Variants in EPHA2 observed in about 807,000 individuals in gnomAD.
EPHA2 encodes ephrin type-A receptor 2.
In EPHA2, 54 loss-of-function variants were observed where a neutral mutation model predicts 104.9. That is an observed-to-expected ratio of 0.51 (90% CI 0.41 to 0.65). EPHA2 has a LOEUF of 0.65. Among genes scored for constraint, EPHA2 ranks in the 30% least tolerant of loss-of-function variants. The pLI is 0.00. For missense variants in EPHA2, 1,117 were observed against 1,369.5 expected (o/e 0.82, Z 2.91); for synonymous variants, 560 against 559.1 (o/e 1.00, Z -0.02).
In EPHA2 at chr1:16,130,229, G is replaced by A; in HGVS notation, c.2666C>T (p.Pro889Leu). ...GGGCAGAGGGCATAGAACTCACCGGGGGTCAAAGTCAGCCAGGGTCTTGAG... is the reference window on the plus strand; with the variant it reads ...GGGCAGAGGGCATAGAACTCACCGGAGGTCAAAGTCAGCCAGGGTCTTGAG... ...DSLKTLADFDPRVSIRLPSTS... is the reference protein window; with the variant it reads ...DSLKTLADFDLRVSIRLPSTS... The change falls in exon 15 of 17, where the codon CCC becomes CTC. Residue 889 changes from proline to leucine, a missense_variant. This residue lies in a region of EPHA2 where 340 missense variants were observed against 480.5 expected (regional missense o/e 0.71). Transcript: ENST00000358432. The surrounding 1 kb of genome is among the most constrained non-coding windows in gnomAD (Gnocchi z 4.5). 1 of 1,614,122 alleles carries A rather than the reference G, an allele frequency of 6.2e-7. No individual in the cohort carries two copies. The highest frequency in any genetic ancestry group is 1.1e-5 in the South Asian group (1 of 91,062).
At chr1:16,152,161 G>A (rs531507322) in intron 1 of EPHA2, among the ~76,000 whole-genome samples, 1 of 152,336 alleles carries the variant, frequency 6.6e-6, no homozygotes, top group African/African-American at 2.4e-5. Flanking sequence ...TTTGGGCCCT[G>A]GAGCATGAGG....
rs2025162636 is a variant in EPHA2 at position 16,156,024 on chromosome 1, G to A, written c.-92C>T. The A allele has an allele frequency of 1.7e-5, 19 of 1,137,274 alleles. No individual in the cohort carries two copies. In the South Asian group the frequency reaches 3.4e-4, roughly 20 times the overall value. The allele number at this position is 1,137,274 out of a possible 1,614,324, so 70.4% of individuals were successfully genotyped here. A position where few individuals can be genotyped will look rare whatever the true frequency, so the allele number is the denominator to read the frequency against. The stretch of plus-strand genomic sequence containing the variant: ...CCGGCCTCGGTGTCCGCTCCCGCCC[G>A]CCGGCCTGCGCGCAACTTCTGCCCC... On this transcript the variant is annotated 5_prime_UTR_variant, in exon 1 of 17. Coordinates refer to ENST00000358432, the MANE Select transcript of EPHA2 (RefSeq NM_004431.5).
rs2024650701 is a variant in EPHA2, at chr1:16,134,848, T to A, written c.1582+188A>T. ...TGTCGTGAATCCACATCCCGGCTCC[T>A]CCACCCCTCAGCCTTCCATGCTTCC... On this transcript the variant is annotated intron_variant, in intron 7 of 16. Transcript: ENST00000358432. The surrounding 1 kb of genome is among the most constrained non-coding windows in gnomAD (Gnocchi z 4.5). 6.6e-6 allele frequency among the ~76,000 whole-genome samples: 1 copy of A among 152,202 alleles called. No homozygotes were observed. Among genetic ancestry groups the A allele is most frequent in the Admixed American group, 6.5e-5 (1 of 15,282 alleles).
rs774463742 is a variant in EPHA2 at position 16,132,446 on chromosome 1, G to A, written c.2054-7C>T. 3 of 1,613,794 alleles carry A rather than the reference G, an allele frequency of 1.9e-6. No individual in the cohort carries two copies. Among genetic ancestry groups the A allele is most frequent in the South Asian group, 2.2e-5 (2 of 91,072 alleles). On this transcript the variant is annotated splice_region_variant and splice_polypyrimidine_tract_variant and intron_variant, in intron 11 of 16. Coordinates refer to ENST00000358432, the MANE Select transcript of EPHA2 (RefSeq NM_004431.5). ...ATGATCATCATGGGCTTGTCTGTAG[G>A]GGGGTGGGCACAGGTGAGAGGTAAG...
rs74734105 is a variant in EPHA2 at position 16,149,460 on chromosome 1, G to A, written c.154-413C>T. Among the ~76,000 whole-genome samples, 209 of 152,318 alleles carry A rather than the reference G, an allele frequency of 1.4e-3. 2 individuals are homozygous for A. Among genetic ancestry groups the A allele is most frequent in the African/African-American group, 4.7e-3 (194 of 41,564 alleles). On this transcript the variant is annotated intron_variant, in intron 2 of 16. Transcript: ENST00000358432. ...GCTTGGCACAAGGTAACAGGCATAC[G>A]GGCAGCCAGTATGATTATTGTTACT...
chr1:16,142,226 A>G (rs1211225518), intron 3 of EPHA2, among the ~76,000 whole-genome samples: 1 of 152,164 alleles, frequency 6.6e-6, no homozygotes, highest in Non-Finnish European at 1.5e-5. Flanking sequence ...TATTAATCTT[A>G]TGTTTACCAA....
At chr1:16,141,680 C>T (rs74054925) in intron 3 of EPHA2, among the ~76,000 whole-genome samples, 3,245 of 152,364 alleles carry the variant, frequency 0.021, 105 homozygotes, top group African/African-American at 0.073. Flanking sequence ...CACAATGCCC[C>T]GACTCCCCAC....
intron 3 of EPHA2, among the ~76,000 whole-genome samples, chr1:16,144,375 A>G (rs2024888203): frequency 1.3e-5 from 2 of 152,212 alleles, no homozygotes; most frequent in Non-Finnish European, 2.9e-5. Flanking sequence ...CACAGCCAGC[A>G]GCTCCCAGAG....
At position 16,148,833 on chromosome 1, in the gene EPHA2, T is replaced by C; in HGVS notation, c.368A>G (p.Tyr123Cys). 1 of 1,614,056 alleles carries C rather than the reference T, an allele frequency of 6.2e-7. No individual in the cohort carries two copies. The highest frequency in any genetic ancestry group is 8.5e-7 in the Non-Finnish European group (1 of 1,180,016). ...SSCKETFNLY[Y>C]AESDLDYGTN... ...GCCGTAGTCCAGGTCCGACTCGGCA[T>C]AGTAGAGGTTGAAAGTCTCCTTGCA... The change falls in exon 3 of 17, where the codon TAT (tyrosine) becomes TGT (cysteine). Residue 123 changes from tyrosine to cysteine, a missense_variant. Physicochemically the swap from Tyr to Cys is radical, Grantham distance 194 (BLOSUM62 -2). Transcript: ENST00000358432. The surrounding 1 kb of genome is among the most constrained non-coding windows in gnomAD (Gnocchi z 4.9).
intron 9 of EPHA2, 70 bp downstream of exon 9, chr1:16,133,790 C>T (rs1284902131): frequency 2.7e-6 from 4 of 1,492,080 alleles, no homozygotes; most frequent in Non-Finnish European, 2.7e-6. Context: ...ACCCTGGCTG[C>T]CCCCACCTCC....
rs1007847098 is a variant in EPHA2, at chr1:16,153,405, C to T, written c.86-2442G>A. On this transcript the variant is annotated intron_variant, in intron 1 of 16. Transcript: ENST00000358432. ...AAAGGGAAAGGGGACAGAGGGCAGACTTGGCCCCGGTAGAACCAGAAACCA... is the reference window on the plus strand; with the variant it reads ...AAAGGGAAAGGGGACAGAGGGCAGATTTGGCCCCGGTAGAACCAGAAACCA... 6 of 861,474 alleles carry T rather than the reference C, an allele frequency of 7.0e-6. No individual in the cohort carries two copies. In the African/African-American group the frequency reaches 7.3e-5, roughly 10 times the overall value. The allele number at this position is 861,474 out of a possible 1,614,324, so 53.4% of individuals were successfully genotyped here. A position where few individuals can be genotyped will look rare whatever the true frequency, so the allele number is the denominator to read the frequency against.
At chr1:16,147,425 G>A (rs1360876756) in intron 3 of EPHA2, among the ~76,000 whole-genome samples, 1 of 152,076 alleles carries the variant, frequency 6.6e-6, no homozygotes, top group Non-Finnish European at 1.5e-5. Flanking sequence ...TGCACCCCGG[G>A]TCCAACTCAG....
At chr1:16,151,548 G>A (rs1468893664) in intron 1 of EPHA2, among the ~76,000 whole-genome samples, 2 of 152,188 alleles carry the variant, frequency 1.3e-5, no homozygotes, top group African/African-American at 4.8e-5. Context: ...TGAACAGGTG[G>A]GAACAGCTCC....
chr1:16,136,559 C>T (rs751033489), intron 5 of EPHA2, among the ~76,000 whole-genome samples: 11 of 148,260 alleles, frequency 7.4e-5, no homozygotes, highest in African/African-American at 1.5e-4. Context: ...GCAGAGGTTG[C>T]GGTGAGCCAA....
At position 16,131,700 on chromosome 1, in the gene EPHA2, G is replaced by A. The variant is rs771132832; in HGVS notation, c.2475+21C>T. On this transcript the variant is annotated intron_variant, in intron 14 of 16. Coordinates refer to ENST00000358432, the MANE Select transcript of EPHA2 (RefSeq NM_004431.5). This position sits in a 1 kb window ranked among gnomAD's most constrained non-coding sequence, Gnocchi z 5.2. Reference sequence around the variant, plus strand: ...CTTGAGTTCAGGTCCGGACAGGCCTGGGGAGGGCAAGGGCACCCACCTCGT... The same window carrying A: ...CTTGAGTTCAGGTCCGGACAGGCCTAGGGAGGGCAAGGGCACCCACCTCGT... 6.2e-7 allele frequency: 1 copy of A among 1,613,672 alleles called. No individual in the cohort carries two copies. The highest frequency in any genetic ancestry group is 2.2e-5 in the East Asian group (1 of 44,900).
chr1:16,132,300 A>G (rs757300830), intron 12 of EPHA2, 27 bp from the exon 13 acceptor site: 1 of 1,613,992 alleles, frequency 6.2e-7, no homozygotes, highest in Non-Finnish European at 8.5e-7. Context: ...GCTCAGCTGC[A>G]GGCCAGCCCT....
chr1:16,146,914 C>T (rs2024944632), intron 3 of EPHA2, among the ~76,000 whole-genome samples: 1 of 152,192 alleles, frequency 6.6e-6, no homozygotes, highest in African/African-American at 2.4e-5. Flanking sequence ...AAACCCAAGA[C>T]CAGAGATGAG....
rs2025076053 is a variant in EPHA2 at position 16,153,160 on chromosome 1, T to C, written c.86-2197A>G. ...AAAAAAAGCAAAAAACACCTCCTTC[T>C]TTGCCATGAGTTCCACCGTAAGTGC... On this transcript the variant is annotated intron_variant, in intron 1 of 16. Transcript: ENST00000358432. 1.3e-5 allele frequency: 13 copies of C among 985,152 alleles called. No homozygotes were observed. In the South Asian group the frequency reaches 5.2e-4, roughly 39 times the overall value. The allele number at this position is 985,152 out of a possible 1,614,324, so 61.0% of individuals were successfully genotyped here.
chr1:16,131,613 C>A lies in EPHA2; in HGVS notation c.2475+108G>T, dbSNP rs2024570667. 2 of 1,487,994 alleles carry A rather than the reference C, an allele frequency of 1.3e-6. No homozygotes were observed. The highest frequency in any genetic ancestry group is 2.8e-5 in the African/African-American group (2 of 71,348). The allele number at this position is 1,487,994 out of a possible 1,614,324, so 92.2% of individuals were successfully genotyped here. On this transcript the variant is annotated intron_variant, in intron 14 of 16. Coordinates refer to ENST00000358432, the MANE Select transcript of EPHA2 (RefSeq NM_004431.5). The surrounding 1 kb of genome is among the most constrained non-coding windows in gnomAD (Gnocchi z 5.2). ...AAAAAATAAACATTTATGGAGCAAG[C>A]CTAAGAAGGTTCATCTAAACTGTCC...
Sources: gnomAD v4.1 joint callset for allele counts (sites outside exome capture counted in the v4.1 genomes callset) on GRCh38, gnomAD v4.1.1 for gene constraint, gnomAD v4.1.1 regional missense constraint, Gnocchi (gnomAD v3.1) non-coding constraint, MANE v1.5 for transcripts, NCBI Gene and HGNC (gene_info 2026-07-23, HGNC 2026-07-21) for gene names.